HYDIN: variants seen among roughly 807,000 people sequenced by gnomAD.
The protein encoded by HYDIN is HYDIN axonemal central pair apparatus protein, also known as axonemal central pair apparatus protein HYDIN.
Under a neutral mutation model 403.9 loss-of-function variants are expected in HYDIN, and 132 were observed. That is an observed-to-expected ratio of 0.33 (90% CI 0.28 to 0.38). The LOEUF (loss-of-function observed/expected upper bound fraction) is 0.38, where lower values mean the gene tolerates loss of function less well. HYDIN is among the 10% of genes least tolerant of loss of function. The probability of loss-of-function intolerance (pLI) is 1.00; values close to 1 mark genes in which losing one functional copy is unlikely to be tolerated. For missense variants in HYDIN, 2,827 were observed against 5,009.5 expected (o/e 0.56, Z 13.15); for synonymous variants, 1,202 against 1,891.7 (o/e 0.64, Z 9.46).
chr16:70,911,773 T>C (rs2076703880), intron 47 of HYDIN, among the ~76,000 whole-genome samples: 1 of 151,906 alleles, frequency 6.6e-6, no homozygotes, highest in African/African-American at 2.4e-5. Context: ...TTGTGTCATC[T>C]ATGATTTCTT....
chr16:70,812,980 T>A (rs1231264779), intron 84 of HYDIN, among the ~76,000 whole-genome samples: 1 of 151,348 alleles, frequency 6.6e-6, no homozygotes, highest in Non-Finnish European at 1.5e-5. Flanking sequence ...TGAGACAGAG[T>A]CTCGCTCTGT....
chr16:71,048,070 CAT>C (rs1160498938), intron 18 of HYDIN, among the ~76,000 whole-genome samples: 1 of 141,508 alleles, frequency 7.1e-6, no homozygotes, highest in Non-Finnish European at 1.5e-5. Context: ...TTAGCTCCCA[CAT>C]ATGAGTGAGA....
intron 1 of HYDIN, chr16:71,203,906 A>AATACCAAG: frequency 2.3e-6 from 1 of 438,068 alleles, no homozygotes; most frequent in Non-Finnish European, 4.5e-6. Flanking sequence ...CTCTACAAAA[A>AATACCAAG]ATACCAAGAT....
chr16:71,079,259 A>C (rs2082711450), intron 13 of HYDIN, among the ~76,000 whole-genome samples: 2 of 151,988 alleles, frequency 1.3e-5, no homozygotes. Flanking sequence ...CCATCTCTTC[A>C]AATATTGCTC....
intron 76 of HYDIN, among the ~76,000 whole-genome samples, chr16:70,839,223 T>C (rs1180507852): frequency 2.5e-5 from 3 of 119,654 alleles, no homozygotes; most frequent in Non-Finnish European, 4.8e-5. Context: ...ATCATCCTAA[T>C]AGTCTTATAT....
At chr16:71,152,509 C>T in intron 7 of HYDIN, 150 bp downstream of exon 7, 1 of 568,856 alleles carries the variant, frequency 1.8e-6, no homozygotes, top group Non-Finnish European at 3.1e-6. Flanking sequence ...ATCCCTCACC[C>T]TCCTCCTGCC....
At chr16:71,208,357 T>G (rs2088408038) in intron 1 of HYDIN, among the ~76,000 whole-genome samples, 1 of 152,092 alleles carries the variant, frequency 6.6e-6, no homozygotes, top group Non-Finnish European at 1.5e-5. Flanking sequence ...TATTTGAAAC[T>G]AATGAGAACA....
chr16:70,835,303 G>A (rs1346130265), intron 78 of HYDIN, among the ~76,000 whole-genome samples: 3 of 151,992 alleles, frequency 2.0e-5, no homozygotes, highest in Non-Finnish European at 4.4e-5. Flanking sequence ...GCCTAGGAAT[G>A]TATCTTAAGC....
At position 71,191,142 on chromosome 16, in the gene HYDIN, A is replaced by T. The variant is rs534485760; in HGVS notation, c.-23-4224T>A. Among the ~76,000 whole-genome samples, 3 of 152,330 alleles carry T rather than the reference A, an allele frequency of 2.0e-5. No homozygotes were observed. In the South Asian group the frequency reaches 6.2e-4, roughly 32 times the overall value. On this transcript the variant is annotated intron_variant, in intron 1 of 85. Coordinates refer to ENST00000393567, the MANE Select transcript of HYDIN (RefSeq NM_001270974.2). ...ATAATTACTGCTCATCAGATTAAAC[A>T]TTTTTATTTTAAATTCATTAACTAA...
At chr16:71,180,243 A>G (rs1485833141) in intron 3 of HYDIN, among the ~76,000 whole-genome samples, 1 of 152,094 alleles carries the variant, frequency 6.6e-6, no homozygotes, top group Non-Finnish European at 1.5e-5. Context: ...ATATTATGTC[A>G]ATAAATGTGA....
intron 19 of HYDIN, among the ~76,000 whole-genome samples, chr16:71,030,498 C>A (rs1309502497): frequency 6.6e-6 from 1 of 150,804 alleles, no homozygotes; most frequent in African/African-American, 2.4e-5. Context: ...AGTGGTACGA[C>A]CTTGGCTCAC....
chr16:70,945,469 A>G (rs2077824779), intron 41 of HYDIN, among the ~76,000 whole-genome samples: 1 of 152,236 alleles, frequency 6.6e-6, no homozygotes, highest in Admixed American at 6.5e-5. Context: ...TCGGGAAGAA[A>G]TTAGAGCTGG....
intron 6 of HYDIN, among the ~76,000 whole-genome samples, chr16:71,154,179 C>T (rs1441391418): frequency 6.7e-6 from 1 of 148,214 alleles, no homozygotes; most frequent in Non-Finnish European, 1.5e-5. Context: ...ACTACAGGAC[C>T]TCAGGTGCTC....
chr16:70,891,028 G>A (rs1231327298), intron 57 of HYDIN, among the ~76,000 whole-genome samples: 1 of 151,268 alleles, frequency 6.6e-6, no homozygotes. Context: ...CACGCCAGGA[G>A]CACCAGGACA....
At chr16:70,881,587 G>T (rs768318690) in intron 60 of HYDIN, among the ~76,000 whole-genome samples, 5 of 133,514 alleles carry the variant, frequency 3.7e-5, no homozygotes, top group African/African-American at 1.0e-4. Context: ...CAGCCTGGGC[G>T]ACAGAGCAAG....
chr16:71,153,581 A>G (rs2085630596), intron 6 of HYDIN, among the ~76,000 whole-genome samples: 1 of 152,018 alleles, frequency 6.6e-6, no homozygotes, highest in East Asian at 1.9e-4. Flanking sequence ...TCCTGACCTC[A>G]CATCCCCTCC....
At chr16:70,954,749 T>C (rs573875392) in intron 40 of HYDIN, among the ~76,000 whole-genome samples, 2 of 152,188 alleles carry the variant, frequency 1.3e-5, no homozygotes, top group Admixed American at 6.5e-5. Flanking sequence ...TACCTTCCTA[T>C]TGTGATTTTC....
At chr16:70,944,420 C>T (rs116160354) in intron 41 of HYDIN, among the ~76,000 whole-genome samples, 5,631 of 151,928 alleles carry the variant, frequency 0.037, no homozygotes, top group African/African-American at 0.087. Flanking sequence ...CATAACAGGG[C>T]TGGGGAAAGA....
chr16:71,126,400 A>C (rs368168103), intron 9 of HYDIN, among the ~76,000 whole-genome samples: 14 of 152,346 alleles, frequency 9.2e-5, no homozygotes, highest in African/African-American at 3.4e-4. Flanking sequence ...GGGTTAGATC[A>C]AGATGAGGAC....
Sources: allele counts gnomAD v4.1 joint callset (sites outside exome capture counted in the v4.1 genomes callset), GRCh38; gene constraint gnomAD v4.1.1; transcripts MANE v1.5; gene names NCBI Gene and HGNC (gene_info 2026-07-23, HGNC 2026-07-21).